STEAP4: variants seen among roughly 807,000 people sequenced by gnomAD.
STEAP4 encodes STEAP4 metalloreductase.
In STEAP4, 36 loss-of-function variants were observed where a neutral mutation model predicts 43.6. The ratio of observed to expected loss-of-function variants is 0.83; its 90% CI spans 0.63 to 1.09. The LOEUF (loss-of-function observed/expected upper bound fraction) is 1.09. Among genes scored for constraint, STEAP4 ranks in the 50% least tolerant of loss-of-function variants. STEAP4 has a pLI of 0.00. For synonymous variants in STEAP4, 191 were observed against 196.7 expected (o/e 0.97, Z 0.24); for missense variants, 495 against 546.5 (o/e 0.91, Z 0.94).
At chr7:88,301,441 G>A (rs957010890) in intron 1 of STEAP4, among the ~76,000 whole-genome samples, 3 of 152,024 alleles carry the variant, frequency 2.0e-5, no homozygotes, top group Non-Finnish European at 2.9e-5. Flanking sequence ...CCTAGCTAAC[G>A]TTTTAATTTT....
intron 1 of STEAP4, among the ~76,000 whole-genome samples, chr7:88,284,610 A>G (rs1331885281): frequency 1.3e-5 from 2 of 152,224 alleles, no homozygotes; most frequent in Non-Finnish European, 2.9e-5. Context: ...TACCAAAAAA[A>G]ACTAAATAAA....
At chr7:88,280,878 C>A (rs769472806) in intron 4 of STEAP4, 37 bp downstream of exon 4, 3 of 1,502,046 alleles carry the variant, frequency 2.0e-6, no homozygotes, top group Non-Finnish European at 2.7e-6. Context: ...AGTGATGGAG[C>A]AAAATGAAAA....
In STEAP4 at chr7:88,304,959, A is replaced by G. The variant is rs776579309; in HGVS notation, c.-3+1833T>C. 6.6e-4 allele frequency among the ~76,000 whole-genome samples: 101 copies of G among 152,204 alleles called. 1 individual carries two copies. Among genetic ancestry groups the G allele is most frequent in the South Asian group, 2.1e-4 (1 of 4,836 alleles). Reference sequence around the variant, plus strand: ...CAAGTTTCTTTGAATATAAAATTCCATAACAAATGACCTTATTTTTCTTAA... The same window carrying G: ...CAAGTTTCTTTGAATATAAAATTCCGTAACAAATGACCTTATTTTTCTTAA... On this transcript the variant is annotated intron_variant, in intron 1 of 4. Transcript: ENST00000380079.
At chr7:88,289,993 A>G (rs954911646) in intron 1 of STEAP4, among the ~76,000 whole-genome samples, 1 of 152,196 alleles carries the variant, frequency 6.6e-6, no homozygotes, top group Non-Finnish European at 1.5e-5. Context: ...AGAATGTGTG[A>G]CTGCCTATCT....
At chr7:88,280,775 C>A in intron 4 of STEAP4, 140 bp downstream of exon 4, 1 of 824,848 alleles carries the variant, frequency 1.2e-6, no homozygotes, top group Non-Finnish European at 1.8e-6. Flanking sequence ...GGAATCTTGG[C>A]GAGTATTAAG....
chr7:88,279,693 G>A, intron 4 of STEAP4, 65 bp from the exon 5 acceptor site: 6 of 1,305,236 alleles, frequency 4.6e-6, no homozygotes, highest in Admixed American at 4.3e-5. Context: ...AACACTCTAA[G>A]CCAGTGACAG....
At chr7:88,281,870 G>A (rs997337381) in intron 3 of STEAP4, 5 of 152,114 alleles carry the variant, frequency 3.3e-5, no homozygotes, top group South Asian at 2.1e-4. Flanking sequence ...AATTATAAGC[G>A]CTCTTTTGTG....
intron 1 of STEAP4, among the ~76,000 whole-genome samples, chr7:88,284,811 A>G (rs1852699448): frequency 1.3e-5 from 2 of 152,294 alleles, no homozygotes; most frequent in East Asian, 3.9e-4. Flanking sequence ...TGTGTATGTT[A>G]AAAGGACATC....
In STEAP4 at chr7:88,282,898, G is replaced by C. The variant is rs768269058; in HGVS notation, c.727C>G (p.Pro243Ala). 6.2e-7 allele frequency: 1 copy of C among 1,614,170 alleles called. No homozygotes were observed. The change falls in exon 3 of 5, where the codon CCA becomes GCA. Residue 243 changes from proline (P) to alanine (A), a missense_variant. Transcript: ENST00000380079. The part of the protein sequence containing the change: ...DNTFRMAISI[P>A]NRIFPITALT... ...GCTGTTATTGGAAAGATACGATTTG[G>C]AATGGAAATAGCCATACGAAATGTA...
At chr7:88,285,756 CAAAAAAAAAA>C (rs371254467) in intron 1 of STEAP4, among the ~76,000 whole-genome samples, 1 of 78,380 alleles carries the variant, frequency 1.3e-5, no homozygotes, top group African/African-American at 5.2e-5. Flanking sequence ...GACTTTGTCT[CAAAAAAAAAA>C]AAAAAAAAGA....
chr7:88,294,190 C>T (rs781538450), intron 1 of STEAP4, among the ~76,000 whole-genome samples: 23 of 152,032 alleles, frequency 1.5e-4, no homozygotes, highest in Non-Finnish European at 2.8e-4. Flanking sequence ...CATGATACCA[C>T]CATTGGATAA....
rs761125115 is a variant in STEAP4 at position 88,283,174 on chromosome 7, T to A, written c.457-6A>T. On this transcript the variant is annotated splice_polypyrimidine_tract_variant and splice_region_variant and intron_variant, in intron 2 of 4. Transcript: ENST00000380079. ...TCATTTCCACACACAAACACCTAGT[T>A]TAAAAACAGTTAATTAATTCTGTAT... The A allele has an allele frequency of 6.6e-7, 1 of 1,523,790 alleles. No homozygotes were observed. Among genetic ancestry groups the A allele is most frequent in the Middle Eastern group, 1.8e-4 (1 of 5,640 alleles). The allele number at this position is 1,523,790 out of a possible 1,614,324, so 94.4% of individuals were successfully genotyped here.
At chr7:88,301,030 C>A (rs577623687) in intron 1 of STEAP4, among the ~76,000 whole-genome samples, 3 of 152,204 alleles carry the variant, frequency 2.0e-5, no homozygotes, top group African/African-American at 2.4e-5. Context: ...AGGGACCCAT[C>A]TGTGTACCAC....
At chr7:88,295,320 ACT>A (rs1326285581) in intron 1 of STEAP4, among the ~76,000 whole-genome samples, 1 of 151,884 alleles carries the variant, frequency 6.6e-6, no homozygotes, top group Non-Finnish European at 1.5e-5. Flanking sequence ...AATACAAATA[ACT>A]CTGCAAAGGT....
chr7:88,280,044 T>C (rs1852591313), intron 4 of STEAP4, among the ~76,000 whole-genome samples: 1 of 152,222 alleles, frequency 6.6e-6, no homozygotes, highest in African/African-American at 2.4e-5. Context: ...AACCAGATCC[T>C]AGCTCATTTC....
At chr7:88,286,730 G>A (rs763275714) in intron 1 of STEAP4, among the ~76,000 whole-genome samples, 1 of 151,132 alleles carries the variant, frequency 6.6e-6, no homozygotes, top group Non-Finnish European at 1.5e-5. Flanking sequence ...GAAAACTGCT[G>A]TGAGCAATTC....
intron 1 of STEAP4, among the ~76,000 whole-genome samples, chr7:88,302,712 G>C (rs905008035): frequency 1.3e-5 from 2 of 151,826 alleles, no homozygotes; most frequent in Non-Finnish European, 1.5e-5. Context: ...CCAGCACTTC[G>C]GGAGGCCAAG....
At chr7:88,300,386 T>C (rs1344877388) in intron 1 of STEAP4, among the ~76,000 whole-genome samples, 1 of 151,970 alleles carries the variant, frequency 6.6e-6, no homozygotes, top group Non-Finnish European at 1.5e-5. Flanking sequence ...TTTTTTTTTG[T>C]ATTTTTAGTA....
chr7:88,298,910 A>T (rs1374211480), intron 1 of STEAP4, among the ~76,000 whole-genome samples: 2 of 152,192 alleles, frequency 1.3e-5, no homozygotes, highest in Non-Finnish European at 2.9e-5. Flanking sequence ...ATAGAATGGC[A>T]CACAAAAACA....
Sources: gnomAD v4.1 joint callset for allele counts (sites outside exome capture counted in the v4.1 genomes callset) on GRCh38, gnomAD v4.1.1 for gene constraint, MANE v1.5 for transcripts, NCBI Gene and HGNC (gene_info 2026-07-23, HGNC 2026-07-21) for gene names.